The following MICAL3 variants were observed in gnomAD, a reference collection of about 807,000 sequenced individuals.
MICAL3 encodes [F-actin]-monooxygenase MICAL3.
A neutral mutation model predicts 207.4 loss-of-function variants in MICAL3; 62 were observed. The ratio of observed to expected loss-of-function variants is 0.30; its 90% CI spans 0.24 to 0.37. MICAL3 has a LOEUF of 0.37. Among genes scored for constraint, MICAL3 ranks in the 10% least tolerant of loss-of-function variants. MICAL3 has a pLI of 1.00. For synonymous variants in MICAL3, 1,077 were observed against 1,069.3 expected (o/e 1.01, Z -0.14); for missense variants, 2,368 against 2,635.6 (o/e 0.90, Z 2.22).
intron 1 of MICAL3, among the ~76,000 whole-genome samples, chr22:18,002,641 A>G (rs1465389847): frequency 6.6e-6 from 1 of 152,104 alleles, no homozygotes; most frequent in Non-Finnish European, 1.5e-5. Context: ...TAAAAAAAAG[A>G]AAACGAAAAT....
chr22:17,908,032 G>A (rs1026493206), intron 1 of MICAL3, among the ~76,000 whole-genome samples: 1 of 152,164 alleles, frequency 6.6e-6, no homozygotes, highest in Non-Finnish European at 1.5e-5. Context: ...TGCACCCACC[G>A]GCTCCTGTGA....
intron 1 of MICAL3, among the ~76,000 whole-genome samples, chr22:17,908,062 C>T (rs1015964069): frequency 2.0e-5 from 3 of 152,158 alleles, no homozygotes; most frequent in East Asian, 3.9e-4. Context: ...ATCGTTTTTG[C>T]GTCACATCTG....
At position 17,791,081 on chromosome 22, in the gene MICAL3, CAGG is replaced by C. The variant is rs1332304034; in HGVS notation, c.5751-13_5751-11del. 1.2e-6 allele frequency: 2 copies of C among 1,610,562 alleles called. No homozygotes were observed. The highest frequency in any genetic ancestry group is 1.7e-6 in the Non-Finnish European group (2 of 1,179,262). On this transcript the variant is annotated splice_polypyrimidine_tract_variant and intron_variant, in intron 30 of 31. Transcript: ENST00000441493. ...CTCCAGCTCCCGGGCACTGAGGAGG[CAGG>C]GCAGGAGGGAGACAAGCCACAGTGA...
At position 17,998,890 on chromosome 22, in the gene MICAL3, A is replaced by G. The variant is rs1332394462; in HGVS notation, c.-75+25391T>C. ...TTATTAAAATGCCAGGCCCCATAAT[A>G]TTATGGAACATAAATAAGCCAATGA... On this transcript the variant is annotated intron_variant, in intron 1 of 31. Transcript: ENST00000441493. Among the ~76,000 whole-genome samples the G allele has an allele frequency of 3.9e-5, 6 of 152,300 alleles. No individual in the cohort carries two copies. The East Asian group carries it at 7.7e-4, about 20-fold the overall frequency.
At chr22:17,892,388 T>C (rs969820237) in intron 11 of MICAL3, among the ~76,000 whole-genome samples, 2 of 152,218 alleles carry the variant, frequency 1.3e-5, no homozygotes, top group African/African-American at 4.8e-5. Flanking sequence ...AAAGAATCTA[T>C]GAACTATTTA....
At chr22:17,982,735 A>C (rs75379694) in intron 1 of MICAL3, among the ~76,000 whole-genome samples, 14 of 129,598 alleles carry the variant, frequency 1.1e-4, no homozygotes, top group African/African-American at 3.8e-4. Context: ...ATAACATAAA[A>C]ATAAAATAAA....
intron 1 of MICAL3, among the ~76,000 whole-genome samples, chr22:17,928,806 T>C (rs1484526520): frequency 6.6e-6 from 1 of 152,176 alleles, no homozygotes; most frequent in Admixed American, 6.5e-5. Context: ...TAGAACTTTT[T>C]TTTCTTAAGA....
chr22:17,825,259 TA>T (rs574649523), intron 22 of MICAL3, among the ~76,000 whole-genome samples: 2 of 150,988 alleles, frequency 1.3e-5, no homozygotes, highest in South Asian at 2.1e-4. Context: ...TCGTCACAGA[TA>T]AAAAAAAATA....
chr22:17,950,594 C>A (rs1045179089), intron 1 of MICAL3, among the ~76,000 whole-genome samples: 9 of 152,168 alleles, frequency 5.9e-5, no homozygotes, highest in Non-Finnish European at 1.0e-4. Context: ...GCCTCGACCT[C>A]CCAAAGTGCT....
intron 17 of MICAL3, among the ~76,000 whole-genome samples, chr22:17,866,664 A>AGAATAGAATAG (rs1556038053): frequency 6.6e-6 from 1 of 151,942 alleles, no homozygotes; most frequent in African/African-American, 2.4e-5. Context: ...AGAATAGAAT[A>AGAATAGAATAG]GAATATAGAA....
chr22:17,880,859 G>C (rs1408641918), intron 16 of MICAL3, among the ~76,000 whole-genome samples: 1 of 152,250 alleles, frequency 6.6e-6, no homozygotes, highest in Non-Finnish European at 1.5e-5. Flanking sequence ...TGTGCAGCGA[G>C]AGAAAAGGGC....
chr22:17,970,128 G>C (rs929891426), intron 1 of MICAL3, among the ~76,000 whole-genome samples: 1 of 152,206 alleles, frequency 6.6e-6, no homozygotes, highest in Non-Finnish European at 1.5e-5. Context: ...AAGTCTCCCT[G>C]AGTGGGGTCT....
intron 21 of MICAL3, among the ~76,000 whole-genome samples, chr22:17,828,105 C>T (rs1198020011): frequency 6.6e-6 from 1 of 152,176 alleles, no homozygotes; most frequent in Non-Finnish European, 1.5e-5. Flanking sequence ...ATTCAGGGGG[C>T]CCATGCACCA....
intron 16 of MICAL3, chr22:17,884,468 T>C (rs1474916508): frequency 1.0e-5 from 8 of 782,198 alleles, no homozygotes; most frequent in African/African-American, 9.2e-5. Context: ...GACAGCCCCA[T>C]ATCTGTGAAC....
At chr22:17,882,706 T>C (rs1929549190) in intron 16 of MICAL3, among the ~76,000 whole-genome samples, 1 of 152,236 alleles carries the variant, frequency 6.6e-6, no homozygotes, top group Non-Finnish European at 1.5e-5. Context: ...ATATCCCCTG[T>C]ACCAAAGAAC....
intron 29 of MICAL3, among the ~76,000 whole-genome samples, chr22:17,797,164 G>T (rs970581630): frequency 2.0e-5 from 3 of 152,204 alleles, no homozygotes; most frequent in Non-Finnish European, 4.4e-5. Flanking sequence ...TGAGACTGGG[G>T]AGCAGAGGCT....
At chr22:17,908,223 G>A (rs1931884903) in intron 1 of MICAL3, among the ~76,000 whole-genome samples, 1 of 152,226 alleles carries the variant, frequency 6.6e-6, no homozygotes, top group South Asian at 2.1e-4. Context: ...CGACCCCGCT[G>A]CACAACTCTG....
At chr22:17,975,835 G>A (rs5747438) in intron 1 of MICAL3, among the ~76,000 whole-genome samples, 2 of 152,086 alleles carry the variant, frequency 1.3e-5, no homozygotes, top group African/African-American at 2.4e-5. Flanking sequence ...GGCAGATCAC[G>A]AGGTCAGAAG....
In MICAL3 at chr22:17,904,529, T is replaced by C. The variant is rs185253913; in HGVS notation, c.472+103A>G. Reference sequence around the variant, plus strand: ...AAGACAGTAATGAGATTAGAAGAAATTGGGTGGCATATGAATTCCTCAGCT... The same window carrying C: ...AAGACAGTAATGAGATTAGAAGAAACTGGGTGGCATATGAATTCCTCAGCT... On this transcript the variant is annotated intron_variant, in intron 3 of 31. Coordinates refer to ENST00000441493, the MANE Select transcript of MICAL3 (RefSeq NM_015241.3). 1.6e-4 allele frequency: 141 copies of C among 861,034 alleles called. No homozygotes were observed. In the African/African-American group the frequency reaches 1.7e-3, roughly 11 times the overall value. The allele number at this position is 861,034 out of a possible 1,614,324, so 53.3% of individuals were successfully genotyped here. A position where few individuals can be genotyped will look rare whatever the true frequency, so the allele number is the denominator to read the frequency against.
Sources: gnomAD v4.1 joint callset for allele counts (sites outside exome capture counted in the v4.1 genomes callset) on GRCh38, gnomAD v4.1.1 for gene constraint, MANE v1.5 for transcripts, NCBI Gene and HGNC (gene_info 2026-07-23, HGNC 2026-07-21) for gene names.